AGAP1: variants seen among roughly 807,000 people sequenced by gnomAD.
AGAP1 encodes the protein ArfGAP with GTPase domain, ankyrin repeat and PH domain 1.
A neutral mutation model predicts 105.3 loss-of-function variants in AGAP1; 29 were observed. The observed-to-expected ratio is 0.28, with a 90% confidence interval of 0.21 to 0.38. AGAP1 has a LOEUF of 0.38. AGAP1 is among the 10% of genes least tolerant of loss of function. The pLI is 1.00. For synonymous variants in AGAP1, 509 were observed against 485.9 expected (o/e 1.05, Z -0.63); for missense variants, 998 against 1,165.1 (o/e 0.86, Z 2.09).
chr2:235,836,241 T>C (rs1000096365), intron 9 of AGAP1, among the ~76,000 whole-genome samples: 1 of 152,224 alleles, frequency 6.6e-6, no homozygotes, highest in Non-Finnish European at 1.5e-5. Context: ...GCTATAAATA[T>C]TGCCATAAAT....
In AGAP1 at chr2:235,717,648, T is replaced by C. The variant is rs572724820; in HGVS notation, c.310+4T>C. 5.6e-6 allele frequency: 9 copies of C among 1,598,616 alleles called. No homozygotes were observed. In the South Asian group the frequency reaches 1.0e-4, roughly 18 times the overall value. ...GTCCAGGAGGAGTCTCCGGAAGGTA[T>C]GCTGTTTGGCAGGCAGTTGCAAACT... On this transcript the variant is annotated splice_donor_region_variant and intron_variant, in intron 3 of 17. Coordinates refer to ENST00000304032, the MANE Select transcript of AGAP1 (RefSeq NM_001037131.3).
rs1439086465 is a variant in AGAP1, at chr2:236,058,220, C to CA, written c.2114+8940dup. Among the ~76,000 whole-genome samples the CA allele has an allele frequency of 2.0e-5, 3 of 152,214 alleles. No individual in the cohort carries two copies. The highest frequency in any genetic ancestry group is 2.9e-5 in the Non-Finnish European group (2 of 68,052). ...AAGTCCACAATCTTGCCTGTGAACT[C>CA]ACTGTGTTAATCCAAGTCCCTGGAC... is the stretch of plus-strand genomic sequence containing the variant. On this transcript the variant is annotated intron_variant, in intron 16 of 17. Coordinates refer to ENST00000304032, the MANE Select transcript of AGAP1 (RefSeq NM_001037131.3). The surrounding 1 kb of genome is among the most constrained non-coding windows in gnomAD (Gnocchi z 4.6).
chr2:235,948,956 A>C (rs573146664), intron 12 of AGAP1, among the ~76,000 whole-genome samples: 1 of 152,358 alleles, frequency 6.6e-6, no homozygotes, highest in African/African-American at 2.4e-5. Context: ...TTACAAACGC[A>C]GTGTCCACAA....
rs1328525428 is a variant in AGAP1, at chr2:235,728,320, T to TGTGTGTGTGTGTGTGTGTGTGTGTGC, written c.310+10683_310+10684insTGTGTGTGTGTGTGTGTGCGTGTGTG. Among the ~76,000 whole-genome samples, 228 of 151,820 alleles carry TGTGTGTGTGTGTGTGTGTGTGTGTGC rather than the reference T, an allele frequency of 1.5e-3. 1 individual carries two copies. Among genetic ancestry groups the TGTGTGTGTGTGTGTGTGTGTGTGTGC allele is most frequent in the African/African-American group, 5.3e-3 (218 of 41,254 alleles). On this transcript the variant is annotated intron_variant, in intron 3 of 17. Coordinates refer to ENST00000304032, the MANE Select transcript of AGAP1 (RefSeq NM_001037131.3). This position sits in a 1 kb window ranked among gnomAD's most constrained non-coding sequence, Gnocchi z 4.3. Reference sequence around the variant, plus strand: ...CAGACTCTGTGTGTGTGTGTGTGTGTGTGTGTGCGTGCTCTTAAATCAATG... The same window carrying TGTGTGTGTGTGTGTGTGTGTGTGTGC: ...CAGACTCTGTGTGTGTGTGTGTGTGTGTGTGTGTGTGTGTGTGTGTGTGTGCGTGTGTGCGTGCTCTTAAATCAATG...
chr2:236,031,603 C>T (rs923117871), intron 13 of AGAP1, among the ~76,000 whole-genome samples: 1 of 152,166 alleles, frequency 6.6e-6, no homozygotes, highest in Non-Finnish European at 1.5e-5. Flanking sequence ...GAATTCCCAC[C>T]AGTCTCCTCT....
chr2:236,032,915 A>G (rs1390017756), intron 13 of AGAP1, among the ~76,000 whole-genome samples: 3 of 152,210 alleles, frequency 2.0e-5, no homozygotes, highest in African/African-American at 7.2e-5. Context: ...TCTTCTGTCC[A>G]GTATACGGAG....
In AGAP1 at chr2:235,596,361, G is replaced by A. The variant is rs1945525497; in HGVS notation, c.163+101512G>A. On this transcript the variant is annotated intron_variant, in intron 1 of 17. Coordinates refer to ENST00000304032, the MANE Select transcript of AGAP1 (RefSeq NM_001037131.3). This position sits in a 1 kb window ranked among gnomAD's most constrained non-coding sequence, Gnocchi z 5.9. ...CTCAGACTGGAGCCCCAAGGACCTT[G>A]AGGACAGGAGTCTACCTGGGGAGGG... Among the ~76,000 whole-genome samples, 2 of 152,222 alleles carry A rather than the reference G, an allele frequency of 1.3e-5. No individual in the cohort carries two copies. The highest frequency in any genetic ancestry group is 4.1e-4 in the South Asian group (2 of 4,824).
rs144860948 is a variant in AGAP1 at position 236,120,390 on chromosome 2, G to A, written c.2313G>A (p.Thr771=). The A allele has an allele frequency of 1.7e-3, 2,682 of 1,611,476 alleles. 3 individuals are homozygous for A. The highest frequency in any genetic ancestry group is 1.8e-3 in the Non-Finnish European group (2,107 of 1,179,766). Reference sequence around the variant, plus strand: ...CCTGCGGGGAGGGAGACGGCCGCACGGCGCTGCATCTGGCCTGCCGCAAGG... The same window carrying A: ...CCTGCGGGGAGGGAGACGGCCGCACAGCGCTGCATCTGGCCTGCCGCAAGG... ...NETCGEGDGR[T]ALHLACRKGN... Residue 771 remains threonine, a synonymous_variant, in exon 17 of 18, where the codon ACG becomes ACA. Transcript: ENST00000304032. This position sits in a 1 kb window ranked among gnomAD's most constrained non-coding sequence, Gnocchi z 6.0.
chr2:235,983,501 T>A lies in AGAP1; in HGVS notation c.1645+14878T>A, dbSNP rs777522261. Among the ~76,000 whole-genome samples the A allele has an allele frequency of 6.6e-6, 1 of 152,228 alleles. No homozygotes were observed. The highest frequency in any genetic ancestry group is 1.5e-5 in the Non-Finnish European group (1 of 68,042). On this transcript the variant is annotated intron_variant, in intron 13 of 17. Transcript: ENST00000304032. This position sits in a 1 kb window ranked among gnomAD's most constrained non-coding sequence, Gnocchi z 4.5. The stretch of plus-strand genomic sequence containing the variant: ...TTTCCCATCCATAACCTCATCATTG[T>A]CTTTTTCTCCCTTTCTTATTCTCTT...
chr2:235,984,327 G>C (rs2055214838), intron 13 of AGAP1, among the ~76,000 whole-genome samples: 1 of 152,138 alleles, frequency 6.6e-6, no homozygotes, highest in South Asian at 2.1e-4. Flanking sequence ...CCTTTTGGCT[G>C]TTATGAAGGA....
chr2:235,791,976 T>C (rs1048934658), intron 6 of AGAP1, among the ~76,000 whole-genome samples: 3 of 152,190 alleles, frequency 2.0e-5, no homozygotes, highest in African/African-American at 7.2e-5. Context: ...GGAGTAAAAT[T>C]AGTGTTTAGT....
chr2:236,085,279 A>T (rs1432160834), intron 16 of AGAP1, among the ~76,000 whole-genome samples: 1 of 151,560 alleles, frequency 6.6e-6, no homozygotes, highest in East Asian at 1.9e-4. Context: ...TGAACTGGCC[A>T]GGACAAATAG....
chr2:236,066,154 GC>G (rs1307769035), intron 16 of AGAP1, among the ~76,000 whole-genome samples: 22 of 152,348 alleles, frequency 1.4e-4, no homozygotes, highest in Admixed American at 7.2e-4. Flanking sequence ...TGACACATGG[GC>G]CTCAGGAAGC....
rs1388887679 is a variant in AGAP1 at position 235,845,132 on chromosome 2, A to G, written c.1050+37801A>G. ...ATCCTGTTTAGCCGTTCGCTCAAACAGAGAACTGTAGATGGGGCTGAAGCT... is the reference window on the plus strand; with the variant it reads ...ATCCTGTTTAGCCGTTCGCTCAAACGGAGAACTGTAGATGGGGCTGAAGCT... On this transcript the variant is annotated intron_variant, in intron 9 of 17. Transcript: ENST00000304032. This position sits in a 1 kb window ranked among gnomAD's most constrained non-coding sequence, Gnocchi z 4.8. 6.6e-6 allele frequency among the ~76,000 whole-genome samples: 1 copy of G among 152,186 alleles called. No homozygotes were observed. Among genetic ancestry groups the G allele is most frequent in the Non-Finnish European group, 1.5e-5 (1 of 68,038 alleles).
chr2:235,677,692 G>A (rs150408784), intron 1 of AGAP1, among the ~76,000 whole-genome samples: 1 of 151,774 alleles, frequency 6.6e-6, no homozygotes, highest in African/African-American at 2.4e-5. Context: ...TGCTCTCTGT[G>A]CCTGTCATTG....
intron 6 of AGAP1, among the ~76,000 whole-genome samples, chr2:235,790,979 A>G (rs1227912803): frequency 6.6e-6 from 1 of 152,190 alleles, no homozygotes; most frequent in Non-Finnish European, 1.5e-5. Flanking sequence ...TAAGGAACAT[A>G]CTGTAGCCAG....
chr2:235,642,257 C>T lies in AGAP1; in HGVS notation c.164-66922C>T, dbSNP rs1046459901. Among the ~76,000 whole-genome samples the T allele has an allele frequency of 2.0e-5, 3 of 152,168 alleles. No homozygotes were observed. Among genetic ancestry groups the T allele is most frequent in the Non-Finnish European group, 2.9e-5 (2 of 68,040 alleles). On this transcript the variant is annotated intron_variant, in intron 1 of 17. Transcript: ENST00000304032. This position sits in a 1 kb window ranked among gnomAD's most constrained non-coding sequence, Gnocchi z 4.1. ...TCTTTCCTGAGTGCGCATTTCTTTCCTCACATTTGGGGGCATTCAGTGGGG... is the reference window on the plus strand; with the variant it reads ...TCTTTCCTGAGTGCGCATTTCTTTCTTCACATTTGGGGGCATTCAGTGGGG...
At position 235,521,742 on chromosome 2, in the gene AGAP1, A is replaced by ATG. The variant is rs59090836; in HGVS notation, c.163+26931_163+26932dup. On this transcript the variant is annotated intron_variant, in intron 1 of 17. Coordinates refer to ENST00000304032, the MANE Select transcript of AGAP1 (RefSeq NM_001037131.3). ...TTTCTTGTTTTTGTTTGTTATATAT[A>ATG]TGTGTGTGTGTGTGTGTGTGTGTGT... is the stretch of plus-strand genomic sequence containing the variant. Among the ~76,000 whole-genome samples, 634 of 121,592 alleles carry ATG rather than the reference A, an allele frequency of 5.2e-3. 2 individuals are homozygous for ATG. Among genetic ancestry groups the ATG allele is most frequent in the Middle Eastern group, 0.011 (2 of 186 alleles). 79.8% of individuals were successfully genotyped at this position (121,592 alleles called of 152,430 possible).
chr2:235,638,994 G>A (rs1407568720), intron 1 of AGAP1, among the ~76,000 whole-genome samples: 1 of 152,136 alleles, frequency 6.6e-6, no homozygotes, highest in Non-Finnish European at 1.5e-5. Flanking sequence ...TCCACTGGGG[G>A]GCAGAATCAC....
Sources: gnomAD v4.1 joint callset for allele counts (sites outside exome capture counted in the v4.1 genomes callset) on GRCh38, gnomAD v4.1.1 for gene constraint, Gnocchi (gnomAD v3.1) non-coding constraint, MANE v1.5 for transcripts, NCBI Gene and HGNC (gene_info 2026-07-23, HGNC 2026-07-21) for gene names.